Variants in SCN2A observed in about 807,000 individuals in gnomAD.
The protein encoded by SCN2A is sodium voltage-gated channel alpha subunit 2.
Under a neutral mutation model 188.7 loss-of-function variants are expected in SCN2A, and 20 were observed. The observed-to-expected ratio is 0.11, with a 90% CI of 0.07 to 0.15. SCN2A has a LOEUF of 0.15. Among genes scored for constraint, SCN2A ranks in the 10% least tolerant of loss-of-function variants. The pLI, the probability that SCN2A is intolerant of heterozygous loss-of-function variation, is 1.00. For missense variants in SCN2A, 1,278 were observed against 2,445.0 expected, an observed-to-expected ratio of 0.52 and a Z score of 10.07; for synonymous variants, 804 against 833.1, an observed-to-expected ratio of 0.97 and a Z score of 0.60.
chr2:165,391,186 C>G lies in SCN2A; in HGVS notation c.*1362C>G, dbSNP rs1226483008. 1 of 152,472 alleles carries G rather than the reference C, an allele frequency of 6.6e-6. No individual in the cohort carries two copies. Among genetic ancestry groups the G allele is most frequent in the Non-Finnish European group, 1.5e-5 (1 of 67,978 alleles). The allele number at this position is 152,472 out of a possible 1,614,324, so 9.4% of individuals were successfully genotyped here. A position where few individuals can be genotyped will look rare whatever the true frequency, so the allele number is the denominator to read the frequency against. On this transcript the variant is annotated 3_prime_UTR_variant, in exon 27 of 27. Coordinates refer to ENST00000375437, the MANE Select transcript of SCN2A (RefSeq NM_001040142.2). ...CAGTGGTAAAGTGAAGCAAATTGTTCTACCAAGACCTCATTCTTCATGTCA... is the reference window on the plus strand; with the variant it reads ...CAGTGGTAAAGTGAAGCAAATTGTTGTACCAAGACCTCATTCTTCATGTCA...
intron 20 of SCN2A, 149 bp downstream of exon 20, chr2:165,370,448 A>T (rs1700966363): frequency 2.5e-6 from 2 of 795,900 alleles, no homozygotes; most frequent in Non-Finnish European, 4.3e-6. Flanking sequence ...GATGCCTCAA[A>T]ACATTTTTTA....
At chr2:165,365,119 T>C (rs201282702) in intron 17 of SCN2A, 24 bp from the exon 18 acceptor site, 13 of 1,606,840 alleles carry the variant, frequency 8.1e-6, no homozygotes, top group Non-Finnish European at 1.1e-5. Context: ...ATTAAATGTG[T>C]TTTTTTGTGG....
At chr2:165,273,559 T>G (rs1438628639) in intron 1 of SCN2A, 2 of 152,182 alleles carry the variant, frequency 1.3e-5, no homozygotes, top group Non-Finnish European at 2.9e-5. Context: ...ATATTTTCTT[T>G]GTAGAACTAA....
chr2:165,291,035 C>CTTTTTTTTTTTTTTTTTTT (rs55979694), intron 1 of SCN2A, among the ~76,000 whole-genome samples: 4 of 79,946 alleles, frequency 5.0e-5, no homozygotes, highest in Admixed American at 1.9e-4. Context: ...TCTTTTCTTT[C>CTTTTTTTTTTTTTTTTTTT]TTTTTTTTTT....
rs754615123 is a variant in SCN2A at position 165,315,479 on chromosome 2, T to TGCAGCC, written c.1396_1401dup (p.Ala466_Ala467dup). ...ACTTTGCGCCCTTCTAGGCGGCAGC[T>TGCAGCC]GCAGCCGCATCTGCTGAATCAAGAG... On this transcript the variant is annotated inframe_insertion, in exon 11 of 27. Coordinates refer to ENST00000375437, the MANE Select transcript of SCN2A (RefSeq NM_001040142.2). 9.3e-6 allele frequency: 15 copies of TGCAGCC among 1,613,880 alleles called. No individual in the cohort carries two copies. The highest frequency in any genetic ancestry group is 4.5e-5 in the East Asian group (2 of 44,874).
chr2:165,283,457 G>A (rs1423472059), intron 1 of SCN2A, among the ~76,000 whole-genome samples: 9 of 152,182 alleles, frequency 5.9e-5, no homozygotes, highest in African/African-American at 2.2e-4. Context: ...AGAGTTCCTT[G>A]TAAATGTGTA....
At chr2:165,375,697 G>A (rs564964129) in intron 22 of SCN2A, among the ~76,000 whole-genome samples, 16 of 151,972 alleles carry the variant, frequency 1.1e-4, no homozygotes, top group Non-Finnish European at 1.9e-4. Context: ...TTTTTGTAGA[G>A]TGCCTTAAAA....
Position 165,294,832 on chromosome 2 carries a change from C to G in SCN2A, c.-51-941C>G, listed in dbSNP as rs556867335. Among the ~76,000 whole-genome samples the G allele has an allele frequency of 5.3e-5, 8 of 152,216 alleles. No individual in the cohort carries two copies. The East Asian group carries it at 1.5e-3, about 29-fold the overall frequency. ...CAGTAAAAATCTATTTAGGTTATTG[C>G]AAAGACTCATATAATAAGAGTTTGC... On this transcript the variant is annotated intron_variant, in intron 1 of 26. Transcript: ENST00000375437.
At chr2:165,369,993 T>C (rs1700941410) in intron 19 of SCN2A, 133 bp from the exon 20 acceptor site, 1 of 714,500 alleles carries the variant, frequency 1.4e-6, no homozygotes, top group Non-Finnish European at 2.3e-6. Flanking sequence ...TAAAGTAAAA[T>C]TCAGCCATGG....
chr2:165,366,677 C>G (rs534062961), intron 18 of SCN2A, among the ~76,000 whole-genome samples: 1 of 142,480 alleles, frequency 7.0e-6, no homozygotes, highest in Non-Finnish European at 1.5e-5. Context: ...GAGGTCAGGC[C>G]ACTGCACTCC....
intron 25 of SCN2A, among the ~76,000 whole-genome samples, chr2:165,385,367 A>C (rs577056041): frequency 8.5e-5 from 13 of 152,168 alleles, no homozygotes; most frequent in Non-Finnish European, 1.8e-4. Flanking sequence ...TGCAAAATGG[A>C]ACAATACAGA....
intron 16 of SCN2A, among the ~76,000 whole-genome samples, chr2:165,348,159 G>A (rs1280505373): frequency 6.6e-6 from 1 of 151,958 alleles, no homozygotes; most frequent in Non-Finnish European, 1.5e-5. Flanking sequence ...AGTAGTTCGC[G>A]ACCAGCCTAG....
chr2:165,253,699 C>T (rs1272392011), intron 1 of SCN2A, among the ~76,000 whole-genome samples: 1 of 151,990 alleles, frequency 6.6e-6, no homozygotes, highest in Non-Finnish European at 1.5e-5. Context: ...TATATAGTCA[C>T]ATTACACTAC....
intron 11 of SCN2A, among the ~76,000 whole-genome samples, chr2:165,319,814 C>T (rs1253047519): frequency 6.6e-6 from 1 of 152,190 alleles, no homozygotes; most frequent in African/African-American, 2.4e-5. Context: ...CCTCCCACAA[C>T]AGTGGGAATT....
chr2:165,382,651 A>G (rs10178662), intron 25 of SCN2A, among the ~76,000 whole-genome samples: 150,796 of 152,222 alleles, frequency 0.99, 74,707 homozygotes, highest in Middle Eastern at 1. Context: ...AGGATATGTA[A>G]ATAACAGAGA....
chr2:165,306,093 G>C (rs916429491), intron 3 of SCN2A, among the ~76,000 whole-genome samples: 2 of 152,186 alleles, frequency 1.3e-5, no homozygotes, highest in Non-Finnish European at 2.9e-5. Context: ...TCTCAATGTG[G>C]AAAAGTTTGT....
In SCN2A at chr2:165,326,918, T is replaced by C. The variant is rs368043574; in HGVS notation, c.2083T>C (p.Leu695=). ...TTCTTATCATGTTTCCATGGATTTA[T>C]TGGAAGATCCTACATCAAGGCAAAG... The part of the protein sequence containing the change: ...SSSYHVSMDL[L]EDPTSRQRAM... Residue 695 remains leucine (L), a synonymous_variant, in exon 13 of 27, where the codon TTG becomes CTG. Coordinates refer to ENST00000375437, the MANE Select transcript of SCN2A (RefSeq NM_001040142.2). 121 of 1,613,992 alleles carry C rather than the reference T, an allele frequency of 7.5e-5. No homozygotes were observed. In the South Asian group the frequency reaches 1.2e-3, roughly 16 times the overall value.
intron 13 of SCN2A, among the ~76,000 whole-genome samples, chr2:165,330,049 A>C (rs148543539): frequency 6.6e-6 from 1 of 152,202 alleles, no homozygotes; most frequent in Non-Finnish European, 1.5e-5. Context: ...GATTAGTAGA[A>C]GAAACATTAT....
At chr2:165,271,507 A>G (rs1695104059) in intron 1 of SCN2A, 1 of 152,156 alleles carries the variant, frequency 6.6e-6, no homozygotes, top group African/African-American at 2.4e-5. Flanking sequence ...GGTGTAACCA[A>G]TATAGACTAT....
Sources: allele counts gnomAD v4.1 joint callset (sites outside exome capture counted in the v4.1 genomes callset), GRCh38; gene constraint gnomAD v4.1.1; transcripts MANE v1.5; gene names NCBI Gene and HGNC (gene_info 2026-07-23, HGNC 2026-07-21).